ANO4: variants seen among roughly 807,000 people sequenced by gnomAD.
The protein encoded by ANO4 is anoctamin-4.
ANO4 carries 69 observed loss-of-function variants against 141.9 expected under a neutral mutation model. The ratio of observed to expected loss-of-function variants is 0.49; its 90% CI spans 0.40 to 0.59. ANO4 has a LOEUF of 0.59. Among genes scored for constraint, ANO4 ranks in the 20% least tolerant of loss-of-function variants. ANO4 has a pLI of 0.00. For synonymous variants in ANO4, 350 were observed against 394.3 expected (o/e 0.89, Z 1.33); for missense variants, 894 against 1,162.2 (o/e 0.77, Z 3.36).
At chr12:101,100,353 C>A (rs1001775469) in intron 22 of ANO4, among the ~76,000 whole-genome samples, 5 of 151,998 alleles carry the variant, frequency 3.3e-5, no homozygotes, top group Non-Finnish European at 7.4e-5. Context: ...GGGCAAGAAC[C>A]ATTTCTTCTA....
chr12:101,020,230 A>G, intron 9 of ANO4, 90 bp downstream of exon 9: 2 of 871,080 alleles, frequency 2.3e-6, no homozygotes, highest in Non-Finnish European at 3.6e-6. Flanking sequence ...TATCAATTCT[A>G]GCAATGCTTG....
At chr12:100,892,906 G>A (rs535720275) in intron 1 of ANO4, among the ~76,000 whole-genome samples, 40 of 151,862 alleles carry the variant, frequency 2.6e-4, no homozygotes, top group African/African-American at 9.2e-4. Context: ...TGCCACCCCC[G>A]GCACCCTCCG....
At chr12:100,973,973 C>T (rs1183753908) in intron 6 of ANO4, among the ~76,000 whole-genome samples, 3 of 152,106 alleles carry the variant, frequency 2.0e-5, no homozygotes, top group Non-Finnish European at 4.4e-5. Context: ...TATAAACTTA[C>T]CATTTACAGA....
Position 100,995,820 on chromosome 12 carries a change from G to T in ANO4, c.734+8150G>T, listed in dbSNP as rs557029432. Among the ~76,000 whole-genome samples the T allele has an allele frequency of 9.8e-5, 15 of 152,290 alleles. No individual in the cohort carries two copies. The South Asian group carries it at 2.7e-3, about 27-fold the overall frequency. On this transcript the variant is annotated intron_variant, in intron 8 of 27. Transcript: ENST00000392977. ...CTGAGGACAGGAGCTATGTGCCTGG[G>T]AGCAAGGGGCACCCAGGGAATGTTT...
intron 3 of ANO4, among the ~76,000 whole-genome samples, chr12:100,748,202 T>C (rs1391249880): frequency 6.6e-6 from 1 of 152,304 alleles, no homozygotes; most frequent in Non-Finnish European, 1.5e-5. Context: ...GCCCATTTGA[T>C]AGCATGAATT....
chr12:100,738,846 G>A (rs564920021), intron 2 of ANO4, among the ~76,000 whole-genome samples: 1 of 151,644 alleles, frequency 6.6e-6, no homozygotes, highest in Non-Finnish European at 1.5e-5. Context: ...CAAATTTCCA[G>A]TTCACACAAG....
At chr12:100,723,158 TA>T (rs2030942985) in intron 1 of ANO4, among the ~76,000 whole-genome samples, 1 of 152,310 alleles carries the variant, frequency 6.6e-6, no homozygotes, top group South Asian at 2.1e-4. Context: ...AAAATTAAAT[TA>T]AAAAATTTTT....
chr12:100,902,810 T>C (rs945928358), intron 2 of ANO4, among the ~76,000 whole-genome samples: 1 of 152,368 alleles, frequency 6.6e-6, no homozygotes, highest in Admixed American at 6.5e-5. Context: ...CCTCCAGTTT[T>C]CAGAAGATGA....
chr12:100,884,286 C>A (rs751362277), intron 1 of ANO4, among the ~76,000 whole-genome samples: 1 of 152,170 alleles, frequency 6.6e-6, no homozygotes, highest in Non-Finnish European at 1.5e-5. Context: ...TTAGGCTTCT[C>A]TGAATTAACA....
intron 1 of ANO4, among the ~76,000 whole-genome samples, chr12:100,823,766 A>G (rs1395457126): frequency 6.6e-6 from 1 of 152,016 alleles, no homozygotes; most frequent in Admixed American, 6.6e-5. Context: ...TGAAAAACCT[A>G]TGTCTTGTAG....
intron 19 of ANO4, 141 bp from the exon 20 acceptor site, chr12:101,097,510 C>A: frequency 1.3e-6 from 1 of 775,780 alleles, no homozygotes; most frequent in Non-Finnish European, 2.1e-6. Context: ...TATGACAGAT[C>A]TGGAGGGTTT....
intron 5 of ANO4, among the ~76,000 whole-genome samples, chr12:100,943,366 A>G (rs954466693): frequency 1.4e-4 from 21 of 152,328 alleles, no homozygotes; most frequent in Middle Eastern, 3.4e-3. Flanking sequence ...GAGGGGATAG[A>G]TCTTTGAAGT....
At chr12:101,007,118 C>T (rs543497372) in intron 8 of ANO4, among the ~76,000 whole-genome samples, 8 of 152,106 alleles carry the variant, frequency 5.3e-5, no homozygotes, top group African/African-American at 1.9e-4. Flanking sequence ...TTTAGGAGGC[C>T]GAGGTGGGTG....
chr12:101,033,258 A>G (rs1303633664), intron 9 of ANO4, among the ~76,000 whole-genome samples: 1 of 148,288 alleles, frequency 6.7e-6, no homozygotes, highest in Non-Finnish European at 1.5e-5. Context: ...ATAGGTGGGA[A>G]TTGAACAATG....
At chr12:100,939,240 A>G in intron 3 of ANO4, 75 bp from the exon 4 acceptor site, 2 of 1,423,126 alleles carry the variant, frequency 1.4e-6, no homozygotes, top group East Asian at 2.3e-5. Flanking sequence ...CCAAAGGGAG[A>G]TGTTTTCTCT....
In ANO4 at chr12:100,906,302, G is replaced by A. The variant is rs550417847; in HGVS notation, c.55+4462G>A. ...GGGTACAAGACATCAAGGGAAGGAG[G>A]TACAGTGAAAAGTTGGTAAGATCAA... On this transcript the variant is annotated intron_variant, in intron 2 of 27. Coordinates refer to ENST00000392977, the MANE Select transcript of ANO4 (RefSeq NM_001286615.2). 4.6e-5 allele frequency among the ~76,000 whole-genome samples: 7 copies of A among 152,220 alleles called. No individual in the cohort carries two copies. The South Asian group carries it at 1.5e-3, about 32-fold the overall frequency.
At chr12:101,059,222 G>A (rs898566804) in intron 14 of ANO4, among the ~76,000 whole-genome samples, 10 of 152,146 alleles carry the variant, frequency 6.6e-5, no homozygotes, top group African/African-American at 2.4e-4. Context: ...CAACTTGATT[G>A]TGGTGGATAA....
intron 14 of ANO4, among the ~76,000 whole-genome samples, chr12:101,060,765 G>C (rs1382808754): frequency 6.6e-6 from 1 of 152,010 alleles, no homozygotes; most frequent in African/African-American, 2.4e-5. Flanking sequence ...TTGAGCGCAT[G>C]TATGTCTTTG....
chr12:101,119,086 C>A (rs893054368), intron 25 of ANO4, among the ~76,000 whole-genome samples: 3 of 151,962 alleles, frequency 2.0e-5, no homozygotes, highest in African/African-American at 7.3e-5. Context: ...CATGGTGTAT[C>A]TGTGCCACAT....
Sources: allele counts gnomAD v4.1 joint callset (sites outside exome capture counted in the v4.1 genomes callset), GRCh38; gene constraint gnomAD v4.1.1; transcripts MANE v1.5; gene names NCBI Gene and HGNC (gene_info 2026-07-23, HGNC 2026-07-21).